SLC12A5: variants seen among roughly 807,000 people sequenced by gnomAD.
SLC12A5 encodes solute carrier family 12 member 5, also known as K-Cl cotransporter 2.
A neutral mutation model predicts 124.0 loss-of-function variants in SLC12A5; 18 were observed. That is an observed-to-expected ratio of 0.15 (90% CI 0.10 to 0.22). The LOEUF (loss-of-function observed/expected upper bound fraction) is 0.22. Among genes scored for constraint, SLC12A5 ranks in the 10% least tolerant of loss-of-function variants. SLC12A5 has a pLI of 1.00. For synonymous variants in SLC12A5, 589 were observed against 568.0 expected, an observed-to-expected ratio of 1.04 and a Z score of -0.53; for missense variants, 867 against 1,478.7, an observed-to-expected ratio of 0.59 and a Z score of 6.78.
rs1451287979 is a variant in SLC12A5 at position 46,057,611 on chromosome 20, A to G, written c.*6A>G. The G allele has an allele frequency of 1.9e-6, 3 of 1,609,524 alleles. No homozygotes were observed. Among genetic ancestry groups the G allele is most frequent in the African/African-American group, 1.3e-5 (1 of 74,778 alleles). Reference sequence around the variant, plus strand: ...TCATCACCATCTACTCCTGAGAACCAGGACCTGCCACCCGGGCCCGAGCGC... The same window carrying G: ...TCATCACCATCTACTCCTGAGAACCGGGACCTGCCACCCGGGCCCGAGCGC... On this transcript the variant is annotated 3_prime_UTR_variant, in exon 26 of 26. Transcript: ENST00000243964. The surrounding 1 kb of genome is among the most constrained non-coding windows in gnomAD (Gnocchi z 7.1).
intron 1 of SLC12A5, among the ~76,000 whole-genome samples, chr20:46,029,927 T>C (rs1159815155): frequency 6.6e-6 from 1 of 151,342 alleles, no homozygotes; most frequent in Non-Finnish European, 1.5e-5. Context: ...CGTGTGTGTG[T>C]GTGTGTGTGT....
intron 1 of SLC12A5, among the ~76,000 whole-genome samples, chr20:46,032,183 C>T (rs1444521101): frequency 6.6e-6 from 1 of 152,222 alleles, no homozygotes. Flanking sequence ...CTAGGCTCGG[C>T]GCTGCGCTCT....
chr20:46,021,909 C>G, intron 1 of SLC12A5: 1 of 1,500,570 alleles, frequency 6.7e-7, no homozygotes, highest in South Asian at 1.2e-5. Flanking sequence ...GGGGGCGGGG[C>G]CTGCCAGGGC....
chr20:46,023,452 C>T, exon 3 of SLC12A5: 1 of 398,954 alleles, frequency 2.5e-6, no homozygotes, highest in Non-Finnish European at 4.4e-6. Flanking sequence ...CCTCTGTCAT[C>T]ATCGCCCTGC....
rs2084666090 is a variant in SLC12A5 at position 46,053,757 on chromosome 20, T to C, written c.2679+48T>C. 1 of 1,517,668 alleles carries C rather than the reference T, an allele frequency of 6.6e-7. No homozygotes were observed. Among genetic ancestry groups the C allele is most frequent in the African/African-American group, 1.4e-5 (1 of 71,900 alleles). 94.0% of individuals were successfully genotyped at this position (1,517,668 alleles called of 1,614,324 possible). ...TGGGGTTCCACCTGGCCCTCTTTCC[T>C]CTTGGCCCCAGCACCAAGTAGGGCA... is the stretch of plus-strand genomic sequence containing the variant. On this transcript the variant is annotated intron_variant, in intron 20 of 25. Transcript: ENST00000243964. This position sits in a 1 kb window ranked among gnomAD's most constrained non-coding sequence, Gnocchi z 4.7.
chr20:46,024,985 A>C (rs2084385297), upstream of SLC12A5, among the ~76,000 whole-genome samples: 1 of 152,132 alleles, frequency 6.6e-6, no homozygotes, highest in African/African-American at 2.4e-5. Flanking sequence ...ATGGAGGGAG[A>C]GGGAGCTAAC....
chr20:46,043,326 G>A lies in SLC12A5; in HGVS notation c.1237+3G>A. On this transcript the variant is annotated splice_donor_region_variant and intron_variant, in intron 9 of 25. Transcript: ENST00000243964. ...CATCTACTTCCCCTCAGTCACAGGT[G>A]AAGGGGAGCTCAGAGAGGGAAGACT... 6.2e-7 allele frequency: 1 copy of A among 1,613,560 alleles called. No homozygotes were observed.
At position 46,057,239 on chromosome 20, in the gene SLC12A5, G is replaced by C. The variant is rs2145509221; in HGVS notation, c.3195G>C (p.Arg1065=). 6.2e-7 allele frequency: 1 copy of C among 1,614,198 alleles called. No individual in the cohort carries two copies. The highest frequency in any genetic ancestry group is 8.5e-7 in the Non-Finnish European group (1 of 1,180,036). ...RLNEVIVKKS[R]DAKLVLLNMP... Reference sequence around the variant, plus strand: ...ACGAGGTCATCGTGAAGAAATCCCGGGACGCCAAGCTTGTTTTGCTCAACA... The same window carrying C: ...ACGAGGTCATCGTGAAGAAATCCCGCGACGCCAAGCTTGTTTTGCTCAACA... Residue 1065 remains arginine (R), a synonymous_variant, in exon 25 of 26, where the codon CGG becomes CGC. Coordinates refer to ENST00000243964, the MANE Select transcript of SLC12A5 (RefSeq NM_020708.5). The surrounding 1 kb of genome is among the most constrained non-coding windows in gnomAD (Gnocchi z 7.1).
intron 14 of SLC12A5, among the ~76,000 whole-genome samples, 199 bp downstream of exon 14, chr20:46,046,635 G>A (rs563350151): frequency 3.3e-5 from 5 of 152,308 alleles, no homozygotes; most frequent in Admixed American, 1.3e-4. Flanking sequence ...TAATAACATA[G>A]CAGCATCATA....
At chr20:46,027,470 C>T (rs1211595233), upstream of SLC12A5, among the ~76,000 whole-genome samples, 1 of 152,192 alleles carries the variant, frequency 6.6e-6, no homozygotes, top group East Asian at 1.9e-4. Context: ...AAAGTCCTGT[C>T]CTATACCCCG....
At position 46,056,060 on chromosome 20, in the gene SLC12A5, C is replaced by A; in HGVS notation, c.2788-90C>A. ...CTGGTACAGTTCCAGAAAGTGCATCCTGGCTGAACATCATCTCTGGTGATA... is the reference window on the plus strand; with the variant it reads ...CTGGTACAGTTCCAGAAAGTGCATCATGGCTGAACATCATCTCTGGTGATA... On this transcript the variant is annotated intron_variant, in intron 21 of 25. Coordinates refer to ENST00000243964, the MANE Select transcript of SLC12A5 (RefSeq NM_020708.5). The surrounding 1 kb of genome is among the most constrained non-coding windows in gnomAD (Gnocchi z 4.3). 6.4e-7 allele frequency: 1 copy of A among 1,552,788 alleles called. No individual in the cohort carries two copies. Among genetic ancestry groups the A allele is most frequent in the Non-Finnish European group, 8.7e-7 (1 of 1,145,022 alleles).
chr20:46,041,596 A>G lies in SLC12A5; in HGVS notation c.1066+56A>G. ...GGAACGCTGCAGGGATTGTAGGTTA[A>G]GCGGTCAGGATTAAGGGGCCCTCCT... On this transcript the variant is annotated intron_variant, in intron 8 of 25. Transcript: ENST00000243964. 1.9e-6 allele frequency: 3 copies of G among 1,590,454 alleles called. No individual in the cohort carries two copies. In the South Asian group the frequency reaches 3.3e-5, roughly 18 times the overall value.
At position 46,045,747 on chromosome 20, in the gene SLC12A5, G is replaced by C; in HGVS notation, c.1570-131G>C. The C allele has an allele frequency of 1.4e-6, 1 of 698,042 alleles. No homozygotes were observed. The highest frequency in any genetic ancestry group is 2.8e-5 in the Admixed American group (1 of 36,032). 43.2% of individuals were successfully genotyped at this position (698,042 alleles called of 1,614,324 possible). On this transcript the variant is annotated intron_variant, in intron 12 of 25. Coordinates refer to ENST00000243964, the MANE Select transcript of SLC12A5 (RefSeq NM_020708.5). This position sits in a 1 kb window ranked among gnomAD's most constrained non-coding sequence, Gnocchi z 4.9. ...CCATTTGCATTCTCCTGGAGGAAGA[G>C]AAATGCATCCTCTCCCTTCCTCCTC...
intron 16 of SLC12A5, among the ~76,000 whole-genome samples, 199 bp downstream of exon 16, chr20:46,048,284 A>G (rs918094978): frequency 8.5e-5 from 13 of 152,138 alleles, no homozygotes; most frequent in Admixed American, 8.5e-4. Context: ...TTATGTGGGT[A>G]TGTAAATGTC....
intron 9 of SLC12A5, 62 bp downstream of exon 9, chr20:46,043,385 T>A: frequency 6.4e-7 from 1 of 1,563,568 alleles, no homozygotes; most frequent in Middle Eastern, 1.7e-4. Flanking sequence ...AGAGAGTCGA[T>A]GATGATGTTG....
intron 1 of SLC12A5, 132 bp downstream of exon 1, chr20:46,029,528 G>T (rs2084426874): frequency 2.1e-6 from 2 of 953,388 alleles, no homozygotes; most frequent in Admixed American, 3.0e-5. Flanking sequence ...GGCGCCAGTT[G>T]CAGCCTGGAG....
downstream of SLC12A5, among the ~76,000 whole-genome samples, chr20:46,024,000 C>T (rs914772592): frequency 1.3e-5 from 2 of 152,146 alleles, no homozygotes; most frequent in African/African-American, 4.8e-5. Context: ...TCTCATGTCC[C>T]AAGGTGATTG....
chr20:46,059,070 CCTT>C lies in SLC12A5; in HGVS notation c.*1466_*1468del, dbSNP rs2084726309. On this transcript the variant is annotated 3_prime_UTR_variant, in exon 26 of 26. Transcript: ENST00000243964. ...CAGCCTGGTCTGAGGCGTGCTCTGT[CCTT>C]AGAGAAGGCGCGGTGGCCGGGTTCC... 3.8e-6 allele frequency: 1 copy of C among 263,884 alleles called. No individual in the cohort carries two copies. Among genetic ancestry groups the C allele is most frequent in the Non-Finnish European group, 7.1e-6 (1 of 141,578 alleles). 16.3% of individuals were successfully genotyped at this position (263,884 alleles called of 1,614,324 possible). A position where few individuals can be genotyped will look rare whatever the true frequency, so the allele number is the denominator to read the frequency against.
At chr20:46,023,653 G>C, downstream of SLC12A5, 1 of 392,264 alleles carries the variant, frequency 2.5e-6, no homozygotes. Context: ...CCATCAGCCA[G>C]GAAAACTCCT....
Sources: gnomAD v4.1 joint callset for allele counts (sites outside exome capture counted in the v4.1 genomes callset) on GRCh38, gnomAD v4.1.1 for gene constraint, Gnocchi (gnomAD v3.1) non-coding constraint, MANE v1.5 for transcripts, NCBI Gene and HGNC (gene_info 2026-07-23, HGNC 2026-07-21) for gene names.